KALRN: variants seen among roughly 807,000 people sequenced by gnomAD.
The protein encoded by KALRN is kalirin RhoGEF kinase.
Under a neutral mutation model 353.7 loss-of-function variants are expected in KALRN, and 70 were observed. The observed-to-expected ratio is 0.20, with a 90% CI of 0.16 to 0.24. KALRN has a LOEUF of 0.24. Ranked by LOEUF, KALRN falls within the 10% of genes least tolerant of loss-of-function variation. The probability of loss-of-function intolerance (pLI) is 1.00; values close to 1 mark genes in which losing one functional copy is unlikely to be tolerated. For synonymous variants in KALRN, 1,391 were observed against 1,434.8 expected (o/e 0.97, Z 0.69); for missense variants, 2,791 against 3,756.7 (o/e 0.74, Z 6.72).
At chr3:124,332,067 C>T (rs1343154154) in intron 8 of KALRN, among the ~76,000 whole-genome samples, 1 of 152,156 alleles carries the variant, frequency 6.6e-6, no homozygotes, top group Non-Finnish European at 1.5e-5. Context: ...GTGGGCATCA[C>T]CTCTGCATTA....
intron 6 of KALRN, among the ~76,000 whole-genome samples, chr3:124,305,864 A>AG (rs1263987087): frequency 6.6e-6 from 1 of 152,116 alleles, no homozygotes; most frequent in Non-Finnish European, 1.5e-5. Context: ...AAGTATGACC[A>AG]GGAAAAAAAA....
At chr3:124,260,345 C>A (rs1328062569) in intron 3 of KALRN, among the ~76,000 whole-genome samples, 1 of 152,158 alleles carries the variant, frequency 6.6e-6, no homozygotes. Context: ...CACAGTAGAC[C>A]AGCCTCCACT....
At chr3:124,187,270 G>A (rs968151866) in intron 1 of KALRN, among the ~76,000 whole-genome samples, 1 of 151,994 alleles carries the variant, frequency 6.6e-6, no homozygotes, top group African/African-American at 2.4e-5. Flanking sequence ...TAGTAGAGGC[G>A]GGGGTTTCGC....
At chr3:124,666,338 G>A (rs1578801656) in intron 45 of KALRN, 111 bp from the exon 46 acceptor site, 4 of 973,518 alleles carry the variant, frequency 4.1e-6, no homozygotes, top group Admixed American at 4.5e-5. Context: ...TGAGGCTTTT[G>A]TTGTCAAATC....
chr3:124,610,327 G>A (rs1390439992), intron 34 of KALRN, among the ~76,000 whole-genome samples: 1 of 152,174 alleles, frequency 6.6e-6, no homozygotes, highest in African/African-American at 2.4e-5. Context: ...ATCCCACACC[G>A]GGCCACAGAA....
intron 33 of KALRN, among the ~76,000 whole-genome samples, chr3:124,545,034 G>A (rs6800965): frequency 0.36 from 55,476 of 152,004 alleles, 10,538 homozygotes; most frequent in African/African-American, 0.47. Flanking sequence ...TTAGGATTTT[G>A]TTGTACACAA....
chr3:124,145,204 C>G (rs1395872924), intron 1 of KALRN, among the ~76,000 whole-genome samples: 1 of 152,126 alleles, frequency 6.6e-6, no homozygotes, highest in Non-Finnish European at 1.5e-5. Context: ...CTATCCTCCT[C>G]CCTTTATCGA....
chr3:124,268,822 A>G lies in KALRN; in HGVS notation c.536A>G (p.Asp179Gly). 6.2e-7 allele frequency: 1 copy of G among 1,614,104 alleles called. No individual in the cohort carries two copies. Among genetic ancestry groups the G allele is most frequent in the South Asian group, 1.1e-5 (1 of 91,072 alleles). Residue 179 changes from aspartate to glycine, a missense_variant, in exon 5 of 60, where the codon GAC becomes GGC. Around this residue, in one of 11 missense-constraint regions of KALRN, gnomAD observed 110 missense variants for 204.1 expected, o/e 0.54. Coordinates refer to ENST00000682506, the MANE Select transcript of KALRN (RefSeq NM_001388419.1). ...ACGGAGGAGTTTGATGGCTCCCTGG[A>G]CTACAACCATGAGGAGTGGATCGAA... ...QLTEEFDGSL[D>G]YNHEEWIELR... is the part of the protein sequence containing the mutation.
intron 3 of KALRN, among the ~76,000 whole-genome samples, chr3:124,240,950 A>T (rs551856076): frequency 4.6e-4 from 70 of 152,292 alleles, no homozygotes; most frequent in Middle Eastern, 6.8e-3. Context: ...AGTAATAATG[A>T]TAATAATAGC....
At chr3:124,311,949 G>A (rs1022869367) in intron 6 of KALRN, among the ~76,000 whole-genome samples, 1 of 152,254 alleles carries the variant, frequency 6.6e-6, no homozygotes, top group East Asian at 1.9e-4. Context: ...TCCAGAATAG[G>A]CAAACCTTTA....
intron 14 of KALRN, 151 bp from the exon 15 acceptor site, chr3:124,422,661 G>T: frequency 4.7e-6 from 3 of 640,306 alleles, no homozygotes; most frequent in East Asian, 2.8e-5. Flanking sequence ...AGGGCGCATT[G>T]TGGTGCCCAG....
At chr3:124,281,607 C>T (rs2075351243) in intron 5 of KALRN, among the ~76,000 whole-genome samples, 1 of 152,238 alleles carries the variant, frequency 6.6e-6, no homozygotes, top group South Asian at 2.1e-4. Flanking sequence ...AGGTCCAGCT[C>T]AGATGCTACT....
At chr3:124,557,878 T>C (rs1017395001) in intron 33 of KALRN, among the ~76,000 whole-genome samples, 5 of 152,162 alleles carry the variant, frequency 3.3e-5, no homozygotes, top group African/African-American at 1.2e-4. Context: ...TTGGCAAGTA[T>C]TGAGGGCAGG....
intron 2 of KALRN, among the ~76,000 whole-genome samples, chr3:124,234,025 A>G (rs2079476136): frequency 6.6e-6 from 1 of 152,242 alleles, no homozygotes; most frequent in South Asian, 2.1e-4. Flanking sequence ...GTATTTGGAA[A>G]GTAGAGGAAA....
chr3:124,122,651 G>C (rs1396816896), intron 1 of KALRN, among the ~76,000 whole-genome samples: 1 of 151,948 alleles, frequency 6.6e-6, no homozygotes, highest in Non-Finnish European at 1.5e-5. Context: ...ATGATTGGGG[G>C]CACCACAAAC....
chr3:124,163,586 A>C lies in KALRN; in HGVS notation c.74-64404A>C, dbSNP rs560143529. 102 of 985,006 alleles carry C rather than the reference A, an allele frequency of 1.0e-4. 1 individual carries two copies. The South Asian group carries it at 4.3e-3, about 42-fold the overall frequency. The allele number at this position is 985,006 out of a possible 1,614,324, so 61.0% of individuals were successfully genotyped here. On this transcript the variant is annotated intron_variant, in intron 1 of 59. Coordinates refer to ENST00000682506, the MANE Select transcript of KALRN (RefSeq NM_001388419.1). ...TGAAAATACATGTTTTGCTGGACAC[A>C]TAATAGGTTGAACACATAATAGGTT...
intron 1 of KALRN, among the ~76,000 whole-genome samples, chr3:124,124,633 TC>T (rs1699596559): frequency 6.6e-6 from 1 of 152,170 alleles, no homozygotes; most frequent in African/African-American, 2.4e-5. Flanking sequence ...GTGGCAAATA[TC>T]ATTGTTGTCT....
At chr3:124,223,885 G>A (rs1331110759) in intron 1 of KALRN, among the ~76,000 whole-genome samples, 3 of 152,222 alleles carry the variant, frequency 2.0e-5, no homozygotes, top group African/African-American at 7.2e-5. Context: ...CACGTTTGGA[G>A]CAAGGAGAAG....
At chr3:124,068,121 C>T (rs930439527) in intron 1 of KALRN, among the ~76,000 whole-genome samples, 1 of 152,190 alleles carries the variant, frequency 6.6e-6, no homozygotes, top group African/African-American at 2.4e-5. Context: ...CTGAAAATCT[C>T]ATCATTGAGG....
Sources: gnomAD v4.1 joint callset for allele counts (sites outside exome capture counted in the v4.1 genomes callset) on GRCh38, gnomAD v4.1.1 for gene constraint, gnomAD v4.1.1 regional missense constraint, MANE v1.5 for transcripts, NCBI Gene and HGNC (gene_info 2026-07-23, HGNC 2026-07-21) for gene names.